Variants in TMCC1 observed in about 807,000 individuals in gnomAD.
TMCC1 encodes transmembrane and coiled-coil domain family 1.
TMCC1 carries 15 observed loss-of-function variants against 52.4 expected under a neutral mutation model. The observed-to-expected ratio is 0.29, with a 90% CI of 0.19 to 0.44. The LOEUF is 0.44. Among genes scored for constraint, TMCC1 ranks in the 20% least tolerant of loss-of-function variants. The pLI, the probability that TMCC1 is intolerant of heterozygous loss-of-function variation, is 1.00. For synonymous variants in TMCC1, 279 were observed against 301.9 expected (o/e 0.92, Z 0.79); for missense variants, 503 against 806.0 (o/e 0.62, Z 4.55).
intron 2 of TMCC1, among the ~76,000 whole-genome samples, chr3:129,871,147 T>A (rs2060909966): frequency 6.6e-6 from 1 of 151,976 alleles, no homozygotes; most frequent in African/African-American, 2.4e-5. Context: ...GAGCCTGAGG[T>A]CAGGAGTTCG....
chr3:129,678,358 T>TC (rs1400099228), intron 4 of TMCC1, among the ~76,000 whole-genome samples: 3 of 79,440 alleles, frequency 3.8e-5, no homozygotes, highest in Non-Finnish European at 5.3e-5. Context: ...ATTGTTTAAT[T>TC]CTTTTTTTTT....
chr3:129,736,257 C>T (rs986351399), intron 4 of TMCC1, among the ~76,000 whole-genome samples: 5 of 152,218 alleles, frequency 3.3e-5, no homozygotes, highest in East Asian at 1.9e-4. Context: ...ATCAATTCTA[C>T]TGACTCATCT....
intron 4 of TMCC1, among the ~76,000 whole-genome samples, chr3:129,715,956 C>T (rs2049049583): frequency 6.6e-6 from 1 of 152,002 alleles, no homozygotes; most frequent in Admixed American, 6.6e-5. Flanking sequence ...TCCTTTTCCC[C>T]TATACCCCAC....
chr3:129,695,919 T>C (rs1291021254), intron 4 of TMCC1, among the ~76,000 whole-genome samples: 1 of 152,198 alleles, frequency 6.6e-6, no homozygotes, highest in Non-Finnish European at 1.5e-5. Flanking sequence ...CTATGTATCA[T>C]GACTTACTTT....
chr3:129,696,571 T>C (rs1021315955), intron 4 of TMCC1, among the ~76,000 whole-genome samples: 2 of 152,236 alleles, frequency 1.3e-5, no homozygotes, highest in Non-Finnish European at 2.9e-5. Context: ...TGTTGACACC[T>C]TCCCAACAGT....
chr3:129,787,842 A>C lies in TMCC1; in HGVS notation c.576+39961T>G, dbSNP rs747045327. 2.6e-5 allele frequency among the ~76,000 whole-genome samples: 4 copies of C among 152,204 alleles called. No homozygotes were observed. In the South Asian group the frequency reaches 6.2e-4, roughly 24 times the overall value. ...GGTTGGGAGAAAGTTCCAACCCAGG[A>C]GATTATTTTTCAGCTACTAAACTTT... On this transcript the variant is annotated intron_variant, in intron 4 of 6. Transcript: ENST00000393238.
chr3:129,748,731 G>T (rs1404035329), intron 4 of TMCC1, among the ~76,000 whole-genome samples: 1 of 151,998 alleles, frequency 6.6e-6, no homozygotes, highest in African/African-American at 2.4e-5. Flanking sequence ...GGCCAGCTGG[G>T]GTAGCTCACG....
chr3:129,670,235 G>A, intron 5 of TMCC1, 95 bp downstream of exon 5: 2 of 1,356,006 alleles, frequency 1.5e-6, no homozygotes. Flanking sequence ...GGACACTCTA[G>A]AGAAAGATAA....
At chr3:129,709,122 C>T (rs773942078) in intron 4 of TMCC1, among the ~76,000 whole-genome samples, 86 of 152,028 alleles carry the variant, frequency 5.7e-4, no homozygotes, top group Non-Finnish European at 8.8e-4. Flanking sequence ...GATTAAATAA[C>T]TAAACTTGAG....
At chr3:129,753,522 T>G (rs2052716971) in intron 4 of TMCC1, among the ~76,000 whole-genome samples, 1 of 152,206 alleles carries the variant, frequency 6.6e-6, no homozygotes, top group Non-Finnish European at 1.5e-5. Flanking sequence ...GGATTCATCC[T>G]AGGAATGCTA....
intron 2 of TMCC1, chr3:129,848,432 T>C (rs145129433): frequency 6.6e-6 from 1 of 152,154 alleles, no homozygotes; most frequent in South Asian, 2.1e-4. Context: ...AGAGTGAATA[T>C]ACACAGGATA....
chr3:129,668,040 G>C (rs758728753), intron 5 of TMCC1, among the ~76,000 whole-genome samples: 2 of 152,028 alleles, frequency 1.3e-5, no homozygotes, highest in South Asian at 2.1e-4. Flanking sequence ...ATTAAAAAAC[G>C]AGCCAAGCGT....
intron 2 of TMCC1, among the ~76,000 whole-genome samples, chr3:129,842,477 A>ACACACACACACAC (rs1560529071): frequency 1.1e-4 from 16 of 147,650 alleles, no homozygotes; most frequent in African/African-American, 4.0e-4. Flanking sequence ...AAAAAAACAA[A>ACACACACACACAC]ACACACACAC....
intron 2 of TMCC1, among the ~76,000 whole-genome samples, chr3:129,848,910 T>C (rs2059787596): frequency 6.6e-6 from 1 of 151,762 alleles, no homozygotes; most frequent in African/African-American, 2.4e-5. Flanking sequence ...CCTCTACTAA[T>C]TGTTGGTCCT....
At chr3:129,785,402 T>C (rs78485553) in intron 4 of TMCC1, among the ~76,000 whole-genome samples, 5,054 of 152,252 alleles carry the variant, frequency 0.033, 129 homozygotes, top group Non-Finnish European at 0.051. Context: ...TTGGGTGTTA[T>C]CTAAATACAG....
chr3:129,726,246 T>TCTA (rs2050070747), intron 4 of TMCC1, among the ~76,000 whole-genome samples: 1 of 152,222 alleles, frequency 6.6e-6, no homozygotes, highest in African/African-American at 2.4e-5. Context: ...GCTTCGTATT[T>TCTA]ATTCAATAAT....
chr3:129,848,238 A>G (rs2059756519), intron 2 of TMCC1: 1 of 152,202 alleles, frequency 6.6e-6, no homozygotes, highest in African/African-American at 2.4e-5. Flanking sequence ...GCCTACCCCA[A>G]GGTCACTAAG....
intron 2 of TMCC1, among the ~76,000 whole-genome samples, chr3:129,859,370 AC>A (rs141964932): frequency 6.6e-6 from 1 of 152,300 alleles, no homozygotes; most frequent in East Asian, 1.9e-4. Flanking sequence ...GTGATAGCTC[AC>A]GCGTTATCCC....
chr3:129,746,962 A>G (rs2052034378), intron 4 of TMCC1, among the ~76,000 whole-genome samples: 2 of 152,212 alleles, frequency 1.3e-5, no homozygotes, highest in Admixed American at 6.5e-5. Flanking sequence ...CATCAGCACA[A>G]CAGGATAATA....
Sources: allele counts gnomAD v4.1 joint callset (sites outside exome capture counted in the v4.1 genomes callset), GRCh38; gene constraint gnomAD v4.1.1; transcripts MANE v1.5; gene names NCBI Gene and HGNC (gene_info 2026-07-23, HGNC 2026-07-21).